Variants in PTPRF observed in about 807,000 individuals in gnomAD.
PTPRF encodes the protein protein tyrosine phosphatase receptor type F, also known as receptor-type tyrosine-protein phosphatase F.
Under a neutral mutation model 201.8 loss-of-function variants are expected in PTPRF, and 59 were observed. That is an observed-to-expected ratio of 0.29 (90% CI 0.24 to 0.36). The LOEUF is 0.36. Among genes scored for constraint, PTPRF ranks in the 10% least tolerant of loss-of-function variants. PTPRF has a pLI of 1.00. For missense variants in PTPRF, 2,132 were observed against 2,690.5 expected, an observed-to-expected ratio of 0.79 and a Z score of 4.59; for synonymous variants, 1,088 against 1,089.7, an observed-to-expected ratio of 1.00 and a Z score of 0.03.
At position 43,531,789 on chromosome 1, in the gene PTPRF, C is replaced by T. The variant is rs182943912; in HGVS notation, c.-126+699C>T. Among the ~76,000 whole-genome samples, 23 of 152,238 alleles carry T rather than the reference C, an allele frequency of 1.5e-4. No homozygotes were observed. The East Asian group carries it at 3.7e-3, about 25-fold the overall frequency. ...GCGACCTGTCCCGTGAGGACGTGGC[C>T]ACTCGGACCCTCTCCGAAAGTTCAC... On this transcript the variant is annotated intron_variant, in intron 1 of 33. Transcript: ENST00000359947.
At position 43,623,053 on chromosome 1, in the gene PTPRF, G is replaced by A. The variant is rs1659506212; in HGVS notation, c.*1050G>A. 4 of 152,790 alleles carry A rather than the reference G, an allele frequency of 2.6e-5. No individual in the cohort carries two copies. 9.5% of individuals were successfully genotyped at this position (152,790 alleles called of 1,614,324 possible). A position where few individuals can be genotyped will look rare whatever the true frequency, so the allele number is the denominator to read the frequency against. On this transcript the variant is annotated 3_prime_UTR_variant, in exon 34 of 34. Coordinates refer to ENST00000359947, the MANE Select transcript of PTPRF (RefSeq NM_002840.5). Reference sequence around the variant, plus strand: ...ATTGCAGTATGGTGTGGTGTTTGTAGGCTGTGGGGTCTGGCTGTGTGGCCA... The same window carrying A: ...ATTGCAGTATGGTGTGGTGTTTGTAAGCTGTGGGGTCTGGCTGTGTGGCCA...
chr1:43,524,454 G>A (rs1643039514), upstream of PTPRF, among the ~76,000 whole-genome samples: 1 of 152,126 alleles, frequency 6.6e-6, no homozygotes, highest in Admixed American at 6.6e-5. Context: ...GAAGCCAGGA[G>A]CTCGAGACCA....
At chr1:43,606,219 C>A in intron 19 of PTPRF, 21 bp from the exon 20 acceptor site, 1 of 1,604,352 alleles carries the variant, frequency 6.2e-7, no homozygotes. Flanking sequence ...CCCTCATGAC[C>A]CCCATGCTCT....
chr1:43,605,054 G>A, intron 17 of PTPRF, 54 bp downstream of exon 17: 4 of 1,596,550 alleles, frequency 2.5e-6, no homozygotes, highest in African/African-American at 1.3e-5. Flanking sequence ...CCTGCTGGGT[G>A]CTGTCTTTCC....
chr1:43,619,381 G>C lies in PTPRF; in HGVS notation c.4740G>C (p.Val1580=). 1 of 1,614,102 alleles carries C rather than the reference G, an allele frequency of 6.2e-7. No individual in the cohort carries two copies. Among genetic ancestry groups the C allele is most frequent in the South Asian group, 1.1e-5 (1 of 91,084 alleles). The part of the protein sequence containing the change: ...HEKTVDIYGH[V]TCMRSQRNYM... ...AGACGGTGGACATCTATGGCCACGTGACCTGCATGCGATCACAGAGGAACT... is the reference window on the plus strand; with the variant it reads ...AGACGGTGGACATCTATGGCCACGTCACCTGCATGCGATCACAGAGGAACT... Residue 1580 remains valine, a synonymous_variant, in exon 28 of 34, where the codon GTG becomes GTC. Coordinates refer to ENST00000359947, the MANE Select transcript of PTPRF (RefSeq NM_002840.5).
chr1:43,603,514 T>G lies in PTPRF; in HGVS notation c.2439T>G (p.Ile813Met), dbSNP rs754943489. 13 of 1,613,812 alleles carry G rather than the reference T, an allele frequency of 8.1e-6. No homozygotes were observed. The South Asian group carries it at 1.2e-4, about 15-fold the overall frequency. ...ATGGTGCCCGCAGCAAGCCCAAAAT[T>G]GTCACTACAACAGGTGCAGGTGAGT... ...KGDGARSKPKIVTTTGAVPGR... is the reference protein window; with the variant it reads ...KGDGARSKPKMVTTTGAVPGR... Residue 813 changes from isoleucine to methionine, a missense_variant, in exon 15 of 34, where the codon ATT becomes ATG. Ile to Met is a conservative substitution (Grantham distance 10). Coordinates refer to ENST00000359947, the MANE Select transcript of PTPRF (RefSeq NM_002840.5). The surrounding 1 kb of genome is among the most constrained non-coding windows in gnomAD (Gnocchi z 5.8).
chr1:43,587,896 G>A (rs1002243622), intron 7 of PTPRF, among the ~76,000 whole-genome samples: 1 of 152,222 alleles, frequency 6.6e-6, no homozygotes, highest in Non-Finnish European at 1.5e-5. Flanking sequence ...GGACTGAGAA[G>A]CTCAGAACAG....
Position 43,622,041 on chromosome 1 carries a change from G to A in PTPRF, c.*38G>A. 6.3e-7 allele frequency: 1 copy of A among 1,597,728 alleles called. No individual in the cohort carries two copies. Among genetic ancestry groups the A allele is most frequent in the Non-Finnish European group, 8.6e-7 (1 of 1,165,626 alleles). On this transcript the variant is annotated 3_prime_UTR_variant, in exon 34 of 34. Transcript: ENST00000359947. ...TCTCCTCCGCCACCCCCGCCGTGGGGCTCCGGAGGGGACCCAGCTCCTCTG... is the reference window on the plus strand; with the variant it reads ...TCTCCTCCGCCACCCCCGCCGTGGGACTCCGGAGGGGACCCAGCTCCTCTG...
intron 5 of PTPRF, among the ~76,000 whole-genome samples, chr1:43,568,188 G>A (rs1031887740): frequency 4.6e-5 from 7 of 152,004 alleles, no homozygotes; most frequent in African/African-American, 7.3e-5. Context: ...CCAGCTACTC[G>A]GGAGGCTGAG....
At chr1:43,583,202 C>A in intron 7 of PTPRF, 3 of 766,188 alleles carry the variant, frequency 3.9e-6, no homozygotes, top group Non-Finnish European at 4.8e-6. Flanking sequence ...CTGCGCCGTG[C>A]CTGCCTGCCA....
chr1:43,609,846 G>A (rs1023224727), intron 22 of PTPRF, among the ~76,000 whole-genome samples: 6 of 152,188 alleles, frequency 3.9e-5, no homozygotes, highest in Non-Finnish European at 7.3e-5. Context: ...ACGCTCTGAC[G>A]CCTCCACATG....
At chr1:43,595,910 C>G (rs757177693) in intron 11 of PTPRF, among the ~76,000 whole-genome samples, 3 of 151,978 alleles carry the variant, frequency 2.0e-5, no homozygotes, top group Non-Finnish European at 4.4e-5. Flanking sequence ...CAGAGCGAGC[C>G]AGGCAGGGGG....
chr1:43,612,270 G>C (rs1335355909), intron 22 of PTPRF, among the ~76,000 whole-genome samples: 2 of 152,168 alleles, frequency 1.3e-5, no homozygotes, highest in Non-Finnish European at 2.9e-5. Flanking sequence ...GCAGTGAGCA[G>C]CGTGGCAAGT....
upstream of PTPRF, chr1:43,530,796 AG>A (rs1285768481): frequency 6.6e-6 from 1 of 152,134 alleles, no homozygotes; most frequent in Non-Finnish European, 1.5e-5. The surrounding 1 kb of genome is among the most constrained non-coding windows in gnomAD (Gnocchi z 4.1). Flanking sequence ...GCACGAGGGG[AG>A]GGGCGCCGCC....
At chr1:43,610,250 C>A (rs1557850226) in intron 22 of PTPRF, among the ~76,000 whole-genome samples, 1 of 152,202 alleles carries the variant, frequency 6.6e-6, no homozygotes, top group East Asian at 1.9e-4. Flanking sequence ...ACGATGGGTT[C>A]TTGTTGAATG....
chr1:43,621,315 A>G (rs1570760933), intron 33 of PTPRF, 83 bp downstream of exon 33: 1 of 1,534,774 alleles, frequency 6.5e-7, no homozygotes, highest in East Asian at 2.3e-5. Context: ...TTTGATGCCC[A>G]CAGGCATGTG....
At chr1:43,599,319 G>A (rs190787651) in intron 13 of PTPRF, among the ~76,000 whole-genome samples, 11 of 152,204 alleles carry the variant, frequency 7.2e-5, no homozygotes, top group East Asian at 1.9e-4. Context: ...CAGGTGATCC[G>A]CCTGCCTCAG....
In PTPRF at chr1:43,603,892, C is replaced by A. The variant is rs1327537333; in HGVS notation, c.2740C>A (p.Leu914Met). The A allele has an allele frequency of 6.2e-7, 1 of 1,613,968 alleles. No homozygotes were observed. Among genetic ancestry groups the A allele is most frequent in the Non-Finnish European group, 8.5e-7 (1 of 1,180,052 alleles). Residue 914 changes from leucine (L) to methionine (M), a missense_variant, in exon 16 of 34, where the codon CTG becomes ATG. By Grantham distance (15) the Leu-to-Met change is conservative. This residue lies in a region of PTPRF where 818 missense variants were observed against 915.3 expected (regional missense o/e 0.89). Transcript: ENST00000359947. The surrounding 1 kb of genome is among the most constrained non-coding windows in gnomAD (Gnocchi z 5.8). ...FEKEIRTPED[L>M]PSGFPQNLHV... ...GAAGGAGATCAGGACCCCCGAGGACCTGCCCAGCGGCTTCCCCCAAAACCT... is the reference window on the plus strand; with the variant it reads ...GAAGGAGATCAGGACCCCCGAGGACATGCCCAGCGGCTTCCCCCAAAACCT...
At chr1:43,601,957 G>T in intron 13 of PTPRF, 114 bp from the exon 14 acceptor site, 1 of 1,269,494 alleles carries the variant, frequency 7.9e-7, no homozygotes, top group Admixed American at 1.8e-5. Flanking sequence ...GTACTTTGAG[G>T]CCCAAAAGCC....
Sources: gnomAD v4.1 joint callset for allele counts (sites outside exome capture counted in the v4.1 genomes callset) on GRCh38, gnomAD v4.1.1 for gene constraint, gnomAD v4.1.1 regional missense constraint, Gnocchi (gnomAD v3.1) non-coding constraint, MANE v1.5 for transcripts, NCBI Gene and HGNC (gene_info 2026-07-23, HGNC 2026-07-21) for gene names.